NMNAT2: variants seen among roughly 807,000 people sequenced by gnomAD.
NMNAT2 encodes nicotinamide nucleotide adenylyltransferase 2, also known as nicotinamide/nicotinic acid mononucleotide adenylyltransferase 2.
In NMNAT2, 11 loss-of-function variants were observed where a neutral mutation model predicts 41.6. The observed-to-expected ratio is 0.26, with a 90% CI of 0.17 to 0.44. NMNAT2 has a LOEUF of 0.44. NMNAT2 is among the 20% of genes least tolerant of loss of function. NMNAT2 has a pLI of 1.00. For missense variants in NMNAT2, 288 were observed against 407.7 expected (o/e 0.71, Z 2.53); for synonymous variants, 148 against 151.2 (o/e 0.98, Z 0.16).
chr1:183,389,756 GAAAGAAAGAAAGAAAGAAAGAA>G (rs1557897490), intron 1 of NMNAT2, among the ~76,000 whole-genome samples: 971 of 26,856 alleles, frequency 0.036, 37 homozygotes, highest in Middle Eastern at 0.073. Context: ...AAGAAAGAAA[GAAAGAAAGAAAGAAAGAAAGAA>G]AGAAAGAAAG....
At chr1:183,391,931 C>T (rs564420649) in intron 1 of NMNAT2, among the ~76,000 whole-genome samples, 121 of 152,300 alleles carry the variant, frequency 7.9e-4, no homozygotes, top group African/African-American at 2.9e-3. Context: ...TGCCTCTTCC[C>T]CATCTCCCCA....
At chr1:183,340,839 T>C (rs1030224395) in intron 1 of NMNAT2, among the ~76,000 whole-genome samples, 2 of 152,194 alleles carry the variant, frequency 1.3e-5, no homozygotes, top group African/African-American at 4.8e-5. Flanking sequence ...GCAAAAGGAT[T>C]GTGACCTAAA....
intron 1 of NMNAT2, among the ~76,000 whole-genome samples, chr1:183,361,181 G>A (rs1392946858): frequency 1.3e-5 from 2 of 152,186 alleles, no homozygotes; most frequent in Non-Finnish European, 2.9e-5. Context: ...TTCCCATGAG[G>A]TGGCAGAGGC....
At chr1:183,272,066 A>G (rs1299360005) in intron 8 of NMNAT2, among the ~76,000 whole-genome samples, 1 of 152,104 alleles carries the variant, frequency 6.6e-6, no homozygotes, top group Non-Finnish European at 1.5e-5. Context: ...AATCAGAATT[A>G]ATTTGCCTGC....
chr1:183,273,637 A>C (rs932247035), intron 8 of NMNAT2, among the ~76,000 whole-genome samples: 1 of 152,158 alleles, frequency 6.6e-6, no homozygotes, highest in Non-Finnish European at 1.5e-5. Flanking sequence ...ACCTTCCCCA[A>C]ATAAGAGCAG....
chr1:183,261,009 T>C lies in NMNAT2; in HGVS notation c.814A>G (p.Lys272Glu). ...NHPMSVVSST[K>E]SRLALQHGDG... ...GCCATTTGTCAAACATACCTGCTCTTGGTTGAGCTGACAACAGACATGGGA... is the reference window on the plus strand; with the variant it reads ...GCCATTTGTCAAACATACCTGCTCTCGGTTGAGCTGACAACAGACATGGGA... The change falls in exon 10 of 11, where the codon AAG becomes GAG. Residue 272 changes from lysine to glutamate, a missense_variant. Physicochemically the swap from Lys to Glu is moderately conservative, Grantham distance 56. Coordinates refer to ENST00000287713, the MANE Select transcript of NMNAT2 (RefSeq NM_015039.4). 6.2e-7 allele frequency: 1 copy of C among 1,613,304 alleles called. No homozygotes were observed. The highest frequency in any genetic ancestry group is 1.3e-5 in the African/African-American group (1 of 75,008).
At chr1:183,330,662 C>T (rs898701156) in intron 1 of NMNAT2, among the ~76,000 whole-genome samples, 9 of 152,206 alleles carry the variant, frequency 5.9e-5, no homozygotes, top group East Asian at 1.9e-4. Context: ...TGGGTCAACC[C>T]GCTACAAATG....
chr1:183,264,442 T>A (rs971851243), intron 8 of NMNAT2, among the ~76,000 whole-genome samples: 2 of 151,978 alleles, frequency 1.3e-5, no homozygotes, highest in African/African-American at 2.4e-5. Flanking sequence ...TCCCTGGGAA[T>A]CACAGATGGG....
chr1:183,261,007 C>T lies in NMNAT2; in HGVS notation c.816G>A (p.Lys272=), dbSNP rs774672928. The T allele has an allele frequency of 6.2e-7, 1 of 1,613,284 alleles. No homozygotes were observed. Among genetic ancestry groups the T allele is most frequent in the Non-Finnish European group, 8.5e-7 (1 of 1,179,262 alleles). The part of the protein sequence containing the change: ...NHPMSVVSST[K]SRLALQHGDG... Reference sequence around the variant, plus strand: ...TGGCCATTTGTCAAACATACCTGCTCTTGGTTGAGCTGACAACAGACATGG... The same window carrying T: ...TGGCCATTTGTCAAACATACCTGCTTTTGGTTGAGCTGACAACAGACATGG... The change falls in exon 10 of 11, where the codon AAG becomes AAA. Residue 272 remains lysine (K), a synonymous_variant. Coordinates refer to ENST00000287713, the MANE Select transcript of NMNAT2 (RefSeq NM_015039.4).
intron 1 of NMNAT2, among the ~76,000 whole-genome samples, chr1:183,408,666 C>T (rs1230451379): frequency 6.6e-6 from 1 of 152,110 alleles, no homozygotes; most frequent in African/African-American, 2.4e-5. Flanking sequence ...GGGGCCTTTA[C>T]CCATTCTTTG....
At chr1:183,328,466 T>C (rs550721469) in intron 1 of NMNAT2, among the ~76,000 whole-genome samples, 4 of 152,344 alleles carry the variant, frequency 2.6e-5, no homozygotes. Context: ...GGCAATGCCC[T>C]TGGGCAATGA....
chr1:183,354,573 A>G (rs564146), intron 1 of NMNAT2, among the ~76,000 whole-genome samples: 88,277 of 151,798 alleles, frequency 0.58, 26,054 homozygotes, highest in East Asian at 0.8. Context: ...CACTATGCCC[A>G]GCTAATTTTT....
chr1:183,368,073 T>C (rs983370416), intron 1 of NMNAT2, among the ~76,000 whole-genome samples: 2 of 152,270 alleles, frequency 1.3e-5, no homozygotes, highest in Non-Finnish European at 2.9e-5. Flanking sequence ...TTGTATCTCT[T>C]TGTTTCTTAT....
chr1:183,259,506 T>G (rs113808537), intron 10 of NMNAT2, among the ~76,000 whole-genome samples: 1 of 152,160 alleles, frequency 6.6e-6, no homozygotes, highest in African/African-American at 2.4e-5. Context: ...GGTTTCTAAC[T>G]GCCTTTTAAC....
chr1:183,357,748 T>C (rs190123328), intron 1 of NMNAT2, among the ~76,000 whole-genome samples: 44 of 152,344 alleles, frequency 2.9e-4, no homozygotes, highest in African/African-American at 1.0e-3. Context: ...ATTTCTCTAG[T>C]GATCAGTGAT....
At chr1:183,255,155 C>A (rs1240828291) in intron 10 of NMNAT2, among the ~76,000 whole-genome samples, 1 of 152,194 alleles carries the variant, frequency 6.6e-6, no homozygotes, top group East Asian at 1.9e-4. Context: ...TTTTCCAGCA[C>A]CATCTATTGA....
chr1:183,383,127 C>T (rs1005272466), intron 1 of NMNAT2, among the ~76,000 whole-genome samples: 4 of 152,228 alleles, frequency 2.6e-5, no homozygotes, highest in East Asian at 1.9e-4. Flanking sequence ...CTTAACACCA[C>T]GTGGAGCTGC....
chr1:183,337,005 T>C (rs964587611), intron 1 of NMNAT2, among the ~76,000 whole-genome samples: 4 of 152,136 alleles, frequency 2.6e-5, no homozygotes, highest in Admixed American at 6.6e-5. Flanking sequence ...AACTAATCTA[T>C]AGTGACAAAA....
At chr1:183,342,020 A>AT (rs1662828965) in intron 1 of NMNAT2, among the ~76,000 whole-genome samples, 1 of 96,824 alleles carries the variant, frequency 1.0e-5, no homozygotes, top group Non-Finnish European at 2.0e-5. Flanking sequence ...TTCCTTCCTC[A>AT]CCTTTTTTTT....
Sources: gnomAD v4.1 joint callset for allele counts (sites outside exome capture counted in the v4.1 genomes callset) on GRCh38, gnomAD v4.1.1 for gene constraint, MANE v1.5 for transcripts, NCBI Gene and HGNC (gene_info 2026-07-23, HGNC 2026-07-21) for gene names.